SPANXN1: variants seen among roughly 807,000 people sequenced by gnomAD.
SPANXN1 encodes SPANX family member N1, also known as sperm protein associated with the nucleus on the X chromosome N1.
In SPANXN1, 1 loss-of-function variant was observed where a neutral mutation model predicts 2.0. That is an observed-to-expected ratio of 0.50 (90% confidence interval 0.18 to 2.36). The LOEUF is 2.36. SPANXN1 is among the 30% of genes most tolerant of loss of function. SPANXN1 has a pLI of 0.26. For synonymous variants in SPANXN1, 27 were observed against 21.3 expected, an observed-to-expected ratio of 1.27 and a Z score of -0.74; for missense variants, 55 against 51.8, an observed-to-expected ratio of 1.06 and a Z score of -0.19.
Position 145,256,146 on chromosome X carries a change from T to C in SPANXN1, c.*332T>C, listed in dbSNP as rs1228740527. On this transcript the variant is annotated 3_prime_UTR_variant, in exon 2 of 2. Coordinates refer to ENST00000370493, the MANE Select transcript of SPANXN1 (RefSeq NM_001009614.3). ...CGATCATCTAGGTCAAGAAATGAAA[T>C]CGAAATTTCAGAAATTACAGAAATT... The C allele has an allele frequency of 4.8e-6, 2 of 416,603 alleles. No homozygotes were observed. The highest frequency in any genetic ancestry group is 8.4e-6 in the Non-Finnish European group (2 of 236,795). 34.3% of individuals were successfully genotyped at this position (416,603 alleles called of 1,213,427 possible). A position where few individuals can be genotyped will look rare whatever the true frequency, so the allele number is the denominator to read the frequency against.
intron 1 of SPANXN1, among the ~76,000 whole-genome samples, chrX:145,254,488 C>CAGAGGA (rs2070799861): frequency 8.9e-6 from 1 of 111,760 alleles, no homozygotes; most frequent in Non-Finnish European, 1.9e-5. Flanking sequence ...GTGAATACAC[C>CAGAGGA]AGAGGAAAGT....
intron 1 of SPANXN1, among the ~76,000 whole-genome samples, chrX:145,253,635 C>G (rs2070795171): frequency 9.0e-6 from 1 of 111,163 alleles, no homozygotes. Flanking sequence ...TGTCTGTCTA[C>G]AGAAGTTGCC....
At chrX:145,249,065 G>A (rs1344897826) in intron 1 of SPANXN1, among the ~76,000 whole-genome samples, 2 of 111,369 alleles carry the variant, frequency 1.8e-5, no homozygotes, top group African/African-American at 6.5e-5. Context: ...GGATTGGGGG[G>A]AAAGGTGATT....
In SPANXN1 at chrX:145,255,695, T is replaced by C. The variant is rs2070807211; in HGVS notation, c.100T>C (p.Leu34=). ...GATGCAGGAGACACCAAACAGGGACTTAGCCCCCGAACCGAGTTTGAAAAA... is the reference window on the plus strand; with the variant it reads ...GATGCAGGAGACACCAAACAGGGACCTAGCCCCCGAACCGAGTTTGAAAAA... ...DEMQETPNRD[L]APEPSLKKMK... is the part of the protein sequence containing the mutation. Residue 34 remains leucine, a synonymous_variant, in exon 2 of 2, where the codon TTA becomes CTA. Transcript: ENST00000370493. The C allele has an allele frequency of 1.7e-6, 2 of 1,212,065 alleles. No homozygotes were observed.
chrX:145,252,356 A>C (rs1162650351), intron 1 of SPANXN1, among the ~76,000 whole-genome samples: 1 of 111,026 alleles, frequency 9.0e-6, no homozygotes, highest in Non-Finnish European at 1.9e-5. Flanking sequence ...TGGGTTGCAG[A>C]CCACCAGATG....
At chrX:145,248,976 G>C (rs191678129) in intron 1 of SPANXN1, among the ~76,000 whole-genome samples, 6 of 111,491 alleles carry the variant, frequency 5.4e-5, no homozygotes, top group South Asian at 7.6e-4. Flanking sequence ...TGGAATCAGA[G>C]TTGTAACATG....
intron 1 of SPANXN1, among the ~76,000 whole-genome samples, chrX:145,254,940 T>A (rs782275939): frequency 7.5e-4 from 84 of 111,956 alleles, no homozygotes; most frequent in African/African-American, 2.7e-3. Flanking sequence ...CAGGCCCCGG[T>A]CTAGTTTGTG....
intron 1 of SPANXN1, 144 bp from the exon 2 acceptor site, chrX:145,255,527 A>AC: frequency 1.1e-6 from 1 of 885,950 alleles, no homozygotes. Context: ...ATAGATCCCT[A>AC]CCCTATGATT....
intron 1 of SPANXN1, 39 bp from the exon 2 acceptor site, chrX:145,255,632 A>G (rs1556883043): frequency 3.3e-6 from 4 of 1,210,603 alleles, no homozygotes; most frequent in South Asian, 3.5e-5. Context: ...TATTCACCCA[A>G]AATAATGTCT....
At chrX:145,252,093 G>A (rs1279210665) in intron 1 of SPANXN1, among the ~76,000 whole-genome samples, 5 of 111,668 alleles carry the variant, frequency 4.5e-5, no homozygotes, top group Non-Finnish European at 9.4e-5. Context: ...TATTGGAGGA[G>A]GGCACTAGGA....
At chrX:145,250,515 T>C (rs1368069595) in intron 1 of SPANXN1, among the ~76,000 whole-genome samples, 2 of 111,508 alleles carry the variant, frequency 1.8e-5, no homozygotes, top group African/African-American at 3.3e-5. Flanking sequence ...ATGTATGTTT[T>C]TAAAAGCTGG....
intron 1 of SPANXN1, among the ~76,000 whole-genome samples, chrX:145,250,791 T>C (rs1490377037): frequency 8.9e-6 from 1 of 111,896 alleles, no homozygotes; most frequent in Non-Finnish European, 1.9e-5. Context: ...ATCTGTAACC[T>C]TTCGGTGTCC....
intron 1 of SPANXN1, among the ~76,000 whole-genome samples, chrX:145,250,904 A>G (rs2070783105): frequency 8.9e-6 from 1 of 111,802 alleles, no homozygotes; most frequent in East Asian, 2.8e-4. Context: ...TAGTTAGGAA[A>G]CCCTGTTCCT....
chrX:145,248,648 G>T (rs2083828818), intron 1 of SPANXN1, among the ~76,000 whole-genome samples: 1 of 111,987 alleles, frequency 8.9e-6, no homozygotes, highest in African/African-American at 3.3e-5. Flanking sequence ...GCCATGAGAA[G>T]GTGGGGGTTG....
chrX:145,247,572 C>T lies in SPANXN1; in HGVS notation c.-15C>T, dbSNP rs1398564311. The T allele has an allele frequency of 1.3e-5, 16 of 1,205,238 alleles. No individual in the cohort carries two copies. The highest frequency in any genetic ancestry group is 1.8e-5 in the Non-Finnish European group (16 of 891,517). ...ACAAGAGCCTACTATAGACATTCTA[C>T]AACCAACCAGAATCATGGAACAGCC... On this transcript the variant is annotated 5_prime_UTR_variant, in exon 1 of 2. Coordinates refer to ENST00000370493, the MANE Select transcript of SPANXN1 (RefSeq NM_001009614.3).
rs138329613 is a variant in SPANXN1, at chrX:145,249,688, C to T, written c.75+2027C>T. 1.3e-3 allele frequency among the ~76,000 whole-genome samples: 146 copies of T among 110,666 alleles called. 1 individual carries two copies. In the East Asian group the frequency reaches 0.021, roughly 16 times the overall value. On this transcript the variant is annotated intron_variant, in intron 1 of 1. Coordinates refer to ENST00000370493, the MANE Select transcript of SPANXN1 (RefSeq NM_001009614.3). The stretch of plus-strand genomic sequence containing the variant: ...AGTGTGGAAAGGATGTTAGCTTTGG[C>T]GCTGTGGGAGTAGTTAGCATCACCT...
rs1556881984 is a variant in SPANXN1, at chrX:145,247,672, T to C, written c.75+11T>C. ...AATGAAAATGATGAGGTAAGATTGT[T>C]AGGTTTTGAAGGGAAGGTGAGGGTG... is the stretch of plus-strand genomic sequence containing the variant. On this transcript the variant is annotated intron_variant, in intron 1 of 1. Coordinates refer to ENST00000370493, the MANE Select transcript of SPANXN1 (RefSeq NM_001009614.3). 1 of 1,201,943 alleles carries C rather than the reference T, an allele frequency of 8.3e-7. No homozygotes were observed. The highest frequency in any genetic ancestry group is 2.2e-5 in the Admixed American group (1 of 45,920).
At chrX:145,255,537 T>C in intron 1 of SPANXN1, 134 bp from the exon 2 acceptor site, 1 of 969,780 alleles carries the variant, frequency 1.0e-6, no homozygotes, top group South Asian at 2.3e-5. Flanking sequence ...ACCCTATGAT[T>C]CAACCTTGTT....
In SPANXN1 at chrX:145,247,693, G is replaced by C. The variant is rs184263747; in HGVS notation, c.75+32G>C. Reference sequence around the variant, plus strand: ...TTGTTAGGTTTTGAAGGGAAGGTGAGGGTGAAAGAAAGACACACAGAGAAG... The same window carrying C: ...TTGTTAGGTTTTGAAGGGAAGGTGACGGTGAAAGAAAGACACACAGAGAAG... On this transcript the variant is annotated intron_variant, in intron 1 of 1. Coordinates refer to ENST00000370493, the MANE Select transcript of SPANXN1 (RefSeq NM_001009614.3). The C allele has an allele frequency of 6.6e-5, 78 of 1,173,405 alleles. No homozygotes were observed. In the African/African-American group the frequency reaches 1.0e-3, roughly 16 times the overall value.
Sources: gnomAD v4.1 joint callset for allele counts (sites outside exome capture counted in the v4.1 genomes callset) on GRCh38, gnomAD v4.1.1 for gene constraint, MANE v1.5 for transcripts, NCBI Gene and HGNC (gene_info 2026-07-23, HGNC 2026-07-21) for gene names.